The following PRKCB variants were observed in gnomAD, a reference collection of about 807,000 sequenced individuals.
PRKCB encodes the protein protein kinase C beta.
Under a neutral mutation model 81.5 loss-of-function variants are expected in PRKCB, and 13 were observed. That is an observed-to-expected ratio of 0.16 (90% CI 0.10 to 0.25). The LOEUF (loss-of-function observed/expected upper bound fraction) is 0.25, where lower values mean the gene tolerates loss of function less well. Ranked by LOEUF, PRKCB falls within the 10% of genes least tolerant of loss-of-function variation. PRKCB has a pLI of 1.00. For missense variants in PRKCB, 509 were observed against 875.7 expected, an observed-to-expected ratio of 0.58 and a Z score of 5.29; for synonymous variants, 335 against 321.4, an observed-to-expected ratio of 1.04 and a Z score of -0.45.
In PRKCB at chr16:24,123,790, G is replaced by A. The variant is rs1023102067; in HGVS notation, c.919-45G>A. ...TGTGCCTGTGCCTTCCTACAAGATC[G>A]TCCTCAAACCCTGAGCATGTTTTCT... On this transcript the variant is annotated intron_variant, in intron 8 of 16. Coordinates refer to ENST00000643927, the MANE Select transcript of PRKCB (RefSeq NM_002738.7). The A allele has an allele frequency of 1.4e-5, 22 of 1,601,434 alleles. No individual in the cohort carries two copies. In the East Asian group the frequency reaches 2.2e-4, roughly 16 times the overall value.
chr16:24,176,232 A>G (rs1030844943), intron 12 of PRKCB, among the ~76,000 whole-genome samples: 4 of 152,126 alleles, frequency 2.6e-5, no homozygotes, highest in Non-Finnish European at 5.9e-5. Context: ...AAGAAGGTCA[A>G]GAAGAGGAGT....
At chr16:24,041,031 C>T (rs1006011684) in intron 5 of PRKCB, among the ~76,000 whole-genome samples, 67 of 151,202 alleles carry the variant, frequency 4.4e-4, no homozygotes, top group African/African-American at 1.6e-3. Context: ...GTGAAGCCTG[C>T]GTGTTCATAC....
intron 9 of PRKCB, among the ~76,000 whole-genome samples, chr16:24,152,420 G>T (rs1397452986): frequency 1.3e-5 from 2 of 152,192 alleles, no homozygotes. Context: ...TGGGGACACA[G>T]CCAAACCATA....
At chr16:23,902,508 T>G (rs2141723249) in intron 2 of PRKCB, among the ~76,000 whole-genome samples, 1 of 152,258 alleles carries the variant, frequency 6.6e-6, no homozygotes, top group East Asian at 1.9e-4. Context: ...TTTGACCCTT[T>G]CAGCATCCTT....
In PRKCB at chr16:23,836,166, C is replaced by G. The variant is rs777496943; in HGVS notation, c.-10C>G. ...CGGCACCTCTCGGGCTCCGGCTCCC[C>G]GCGCGCAAGATGGCTGACCCGGCTG... is the stretch of plus-strand genomic sequence containing the variant. On this transcript the variant is annotated 5_prime_UTR_variant, in exon 1 of 17. Coordinates refer to ENST00000643927, the MANE Select transcript of PRKCB (RefSeq NM_002738.7). 3 of 1,522,094 alleles carry G rather than the reference C, an allele frequency of 2.0e-6. No individual in the cohort carries two copies. Among genetic ancestry groups the G allele is most frequent in the South Asian group, 2.4e-5 (2 of 83,136 alleles). The allele number at this position is 1,522,094 out of a possible 1,614,324, so 94.3% of individuals were successfully genotyped here. A position where few individuals can be genotyped will look rare whatever the true frequency, so the allele number is the denominator to read the frequency against.
chr16:23,983,945 A>G (rs1964770280), intron 2 of PRKCB, among the ~76,000 whole-genome samples: 1 of 152,188 alleles, frequency 6.6e-6, no homozygotes, highest in African/African-American at 2.4e-5. Context: ...GTTGTAGAAT[A>G]AAGCACCTAC....
intron 2 of PRKCB, among the ~76,000 whole-genome samples, chr16:23,889,168 ATCCG>A (rs912771889): frequency 4.9e-5 from 7 of 141,438 alleles, no homozygotes; most frequent in African/African-American, 2.1e-4. Context: ...CCATCCATCC[ATCCG>A]TCCATCCACA....
chr16:24,067,542 G>T (rs1966052157), intron 5 of PRKCB, among the ~76,000 whole-genome samples: 2 of 152,160 alleles, frequency 1.3e-5, no homozygotes, highest in Non-Finnish European at 2.9e-5. Context: ...CAAGCCGTCT[G>T]CCCATGTTTG....
chr16:24,196,065 A>G (rs1967873787), intron 16 of PRKCB, among the ~76,000 whole-genome samples: 1 of 152,184 alleles, frequency 6.6e-6, no homozygotes, highest in Admixed American at 6.5e-5. Context: ...TCCTGAGTAG[A>G]TATCTGCTAC....
At chr16:24,090,267 G>A (rs2636957) in intron 5 of PRKCB, among the ~76,000 whole-genome samples, 75,140 of 151,998 alleles carry the variant, frequency 0.49, 18,804 homozygotes, top group Non-Finnish European at 0.54. Flanking sequence ...ACACTGCCAT[G>A]TTGCTGGAGT....
Position 24,217,121 on chromosome 16 carries a change from G to GGAAA in PRKCB, c.*2316_*2319dup. 1 of 972,770 alleles carries GGAAA rather than the reference G, an allele frequency of 1.0e-6. No individual in the cohort carries two copies. Among genetic ancestry groups the GGAAA allele is most frequent in the Non-Finnish European group, 1.2e-6 (1 of 824,844 alleles). The allele number at this position is 972,770 out of a possible 1,614,324, so 60.3% of individuals were successfully genotyped here. A position where few individuals can be genotyped will look rare whatever the true frequency, so the allele number is the denominator to read the frequency against. On this transcript the variant is annotated 3_prime_UTR_variant, in exon 17 of 17. Coordinates refer to ENST00000643927, the MANE Select transcript of PRKCB (RefSeq NM_002738.7). Reference sequence around the variant, plus strand: ...GGAAAGAAAGAAGAAAAAGAAAGAAGGAAAGAAAGAAAGAGAAAGGAAGGA... The same window carrying GGAAA: ...GGAAAGAAAGAAGAAAAAGAAAGAAGGAAAGAAAGAAAGAAAGAGAAAGGAAGGA...
At chr16:23,980,814 TG>T (rs1964689761) in intron 2 of PRKCB, among the ~76,000 whole-genome samples, 1 of 151,952 alleles carries the variant, frequency 6.6e-6, no homozygotes, top group African/African-American at 2.4e-5. Context: ...TATATATATA[TG>T]ATTTAATTTA....
intron 3 of PRKCB, among the ~76,000 whole-genome samples, chr16:24,029,831 G>T (rs573980391): frequency 6.6e-6 from 1 of 152,200 alleles, no homozygotes; most frequent in Non-Finnish European, 1.5e-5. Flanking sequence ...TGTACCAAAG[G>T]CTAGGGTGTC....
At chr16:23,951,560 C>T (rs1964283446) in intron 2 of PRKCB, among the ~76,000 whole-genome samples, 1 of 149,730 alleles carries the variant, frequency 6.7e-6, no homozygotes, top group Non-Finnish European at 1.5e-5. Flanking sequence ...GGACTACAGG[C>T]ACACACCACT....
At chr16:23,845,726 G>T (rs1417790340) in intron 2 of PRKCB, among the ~76,000 whole-genome samples, 1 of 152,208 alleles carries the variant, frequency 6.6e-6, no homozygotes, top group Non-Finnish European at 1.5e-5. Flanking sequence ...TAAGTATTTG[G>T]TAGAACTAGC....
intron 5 of PRKCB, among the ~76,000 whole-genome samples, chr16:24,057,569 A>G (rs1241185683): frequency 6.6e-6 from 1 of 152,180 alleles, no homozygotes; most frequent in Non-Finnish European, 1.5e-5. Flanking sequence ...TGAGTATTTC[A>G]TAGCCCTACT....
At chr16:24,107,178 T>C (rs943556244) in intron 7 of PRKCB, among the ~76,000 whole-genome samples, 23 of 152,208 alleles carry the variant, frequency 1.5e-4, no homozygotes, top group African/African-American at 4.6e-4. Context: ...TCGTATTTGT[T>C]CCCTTTTCAC....
chr16:23,942,442 G>C (rs964778256), intron 2 of PRKCB, among the ~76,000 whole-genome samples: 3 of 152,258 alleles, frequency 2.0e-5, no homozygotes, highest in Admixed American at 6.5e-5. Context: ...TCCTTCCATA[G>C]ACATGTGAGC....
At chr16:24,138,982 G>GC (rs1966877015) in intron 9 of PRKCB, among the ~76,000 whole-genome samples, 1 of 150,842 alleles carries the variant, frequency 6.6e-6, no homozygotes, top group Non-Finnish European at 1.5e-5. Flanking sequence ...CTCCTGAGTA[G>GC]CTGAGATTAC....
Sources: allele counts gnomAD v4.1 joint callset (sites outside exome capture counted in the v4.1 genomes callset), GRCh38; gene constraint gnomAD v4.1.1; transcripts MANE v1.5; gene names NCBI Gene and HGNC (gene_info 2026-07-23, HGNC 2026-07-21).